Variants in LTN1 observed in about 807,000 individuals in gnomAD.
The protein encoded by LTN1 is E3 ubiquitin-protein ligase listerin.
Under a neutral mutation model 201.2 loss-of-function variants are expected in LTN1, and 88 were observed. The ratio of observed to expected loss-of-function variants is 0.44; its 90% CI spans 0.37 to 0.52. The LOEUF is 0.52. Among genes scored for constraint, LTN1 ranks in the 20% least tolerant of loss-of-function variants. The probability of loss-of-function intolerance (pLI) is 0.00; values close to 1 mark genes in which losing one functional copy is unlikely to be tolerated. For synonymous variants in LTN1, 645 were observed against 713.5 expected (o/e 0.90, Z 1.53); for missense variants, 1,752 against 2,038.7 (o/e 0.86, Z 2.71).
intron 6 of LTN1, among the ~76,000 whole-genome samples, chr21:28,976,729 C>T (rs1350027689): frequency 1.3e-5 from 2 of 151,980 alleles, no homozygotes; most frequent in African/African-American, 4.8e-5. Context: ...TCTAGTTAGA[C>T]GTTTTTGAGA....
intron 1 of LTN1, among the ~76,000 whole-genome samples, chr21:28,990,131 C>A (rs2084733621): frequency 6.6e-6 from 1 of 152,160 alleles, no homozygotes. Context: ...TGCCTTCCTC[C>A]ATTCTCTTCC....
rs182978200 is a variant in LTN1, at chr21:28,970,567, G to A, written c.1160C>T (p.Thr387Met). The change falls in exon 8 of 30, where the codon ACG becomes ATG. Residue 387 changes from threonine to methionine, a missense_variant. Physicochemically the swap from Thr to Met is moderately conservative, Grantham distance 81. Transcript: ENST00000361371. Reference sequence around the variant, plus strand: ...AATTACTTACCCAGCAACTAGAGACGTGAGGAAATTTTTGAAGAAATCCAA... The same window carrying A: ...AATTACTTACCCAGCAACTAGAGACATGAGGAAATTTTTGAAGAAATCCAA... ...PKLDFFKNFL[T>M]SLVAGLSTER... is the part of the protein sequence containing the mutation. 37 of 1,611,600 alleles carry A rather than the reference G, an allele frequency of 2.3e-5. No homozygotes were observed. In the Admixed American group the frequency reaches 2.5e-4, roughly 11 times the overall value.
chr21:28,940,424 A>G (rs1362024168), intron 25 of LTN1, among the ~76,000 whole-genome samples: 2 of 152,200 alleles, frequency 1.3e-5, no homozygotes, highest in Non-Finnish European at 2.9e-5. Context: ...TATTTCAGAT[A>G]TTTTCACCAC....
intron 25 of LTN1, among the ~76,000 whole-genome samples, chr21:28,939,146 C>G (rs918418247): frequency 6.6e-6 from 1 of 152,130 alleles, no homozygotes; most frequent in African/African-American, 2.4e-5. Context: ...AGTATAGCAA[C>G]TATTTCAATA....
Position 28,969,209 on chromosome 21 carries a change from C to T in LTN1, c.1311+257G>A, listed in dbSNP as rs573264779. ...GTACTCCAGCCTGGGCAACAAAGAGCGAAACTTTGTCTCAAAAAAAAAAGG... is the reference window on the plus strand; with the variant it reads ...GTACTCCAGCCTGGGCAACAAAGAGTGAAACTTTGTCTCAAAAAAAAAAGG... On this transcript the variant is annotated intron_variant, in intron 9 of 29. Transcript: ENST00000361371. Among the ~76,000 whole-genome samples the T allele has an allele frequency of 8.8e-5, 13 of 148,542 alleles. No individual in the cohort carries two copies. In the South Asian group the frequency reaches 2.4e-3, roughly 28 times the overall value.
At chr21:28,961,615 C>T (rs2084479757) in intron 11 of LTN1, 1 of 154,102 alleles carries the variant, frequency 6.5e-6, no homozygotes, top group Admixed American at 6.6e-5. Context: ...TGTAGGTAAC[C>T]AGAGCTTATA....
rs1470816265 is a variant in LTN1, at chr21:28,992,855, C to T, written c.-50G>A. 3 of 1,614,004 alleles carry T rather than the reference C, an allele frequency of 1.9e-6. No individual in the cohort carries two copies. Among genetic ancestry groups the T allele is most frequent in the East Asian group, 2.2e-5 (1 of 44,876 alleles). ...AGCACTCAGACCCCGGTTGACACGT[C>T]CGGGACACAACTTCCGGCTTCTGGC... On this transcript the variant is annotated 5_prime_UTR_variant, in exon 1 of 30. Coordinates refer to ENST00000361371, the MANE Select transcript of LTN1 (RefSeq NM_015565.3).
intron 28 of LTN1, 106 bp downstream of exon 28, chr21:28,932,364 T>C (rs943343295): frequency 3.1e-5 from 28 of 908,486 alleles, no homozygotes; most frequent in Non-Finnish European, 4.4e-5. Context: ...AAGTTTAATA[T>C]CTACTTTTAT....
At chr21:28,956,486 A>G (rs2084426566) in intron 16 of LTN1, among the ~76,000 whole-genome samples, 1 of 152,186 alleles carries the variant, frequency 6.6e-6, no homozygotes, top group Non-Finnish European at 1.5e-5. Context: ...TATGTGCCAC[A>G]GGATCTGTTT....
At position 28,957,335 on chromosome 21, in the gene LTN1, C is replaced by T. The variant is rs751867449; in HGVS notation, c.2889G>A (p.Met963Ile). ...EWEKMRQSLPMQWLHRPLLEG... is the reference protein window; with the variant it reads ...EWEKMRQSLPIQWLHRPLLEG... ...TACTCTTCAATTTCCAAAATACCTG[C>T]ATAGGAAGAGACTGCCTCATCTTTT... is the stretch of plus-strand genomic sequence containing the variant. Residue 963 changes from methionine (M) to isoleucine (I), a missense_variant, in exon 15 of 30, where the codon ATG becomes ATA. Physicochemically the swap from Met to Ile is conservative, Grantham distance 10 (BLOSUM62 1). Transcript: ENST00000361371. 2 of 1,586,504 alleles carry T rather than the reference C, an allele frequency of 1.3e-6. No homozygotes were observed. Among genetic ancestry groups the T allele is most frequent in the Non-Finnish European group, 8.5e-7 (1 of 1,171,626 alleles).
intron 11 of LTN1, chr21:28,960,907 G>T: frequency 2.6e-6 from 1 of 383,370 alleles, no homozygotes; most frequent in Non-Finnish European, 4.6e-6. Flanking sequence ...TCCACGCTTT[G>T]CTGTTACCTT....
intron 6 of LTN1, among the ~76,000 whole-genome samples, chr21:28,979,179 G>C (rs886272258): frequency 1.3e-5 from 2 of 152,216 alleles, no homozygotes; most frequent in Non-Finnish European, 2.9e-5. Flanking sequence ...TAGAATATAA[G>C]GTTATGCAGT....
chr21:28,970,768 T>A (rs1382236361), intron 7 of LTN1, 26 bp from the exon 8 acceptor site: 1 of 1,526,968 alleles, frequency 6.5e-7, no homozygotes, highest in Non-Finnish European at 9.0e-7. Flanking sequence ...ATTATAGTAG[T>A]AATTAGAGAT....
intron 4 of LTN1, among the ~76,000 whole-genome samples, chr21:28,982,694 TTTC>T (rs1182580206): frequency 6.6e-6 from 1 of 152,204 alleles, no homozygotes; most frequent in Non-Finnish European, 1.5e-5. Context: ...CTCTCCCCTC[TTTC>T]TGTAAGCCTG....
At chr21:28,932,378 A>T in intron 28 of LTN1, 92 bp downstream of exon 28, 1 of 1,021,254 alleles carries the variant, frequency 9.8e-7, no homozygotes, top group Non-Finnish European at 1.5e-6. Flanking sequence ...CTTTTATCTT[A>T]AGCAGAAAAG....
At chr21:28,977,653 G>A (rs2084626688) in intron 6 of LTN1, among the ~76,000 whole-genome samples, 1 of 152,210 alleles carries the variant, frequency 6.6e-6, no homozygotes, top group African/African-American at 2.4e-5. Context: ...AACCTGGGAG[G>A]TGGAGGTTGC....
chr21:28,982,228 A>C, intron 5 of LTN1, 88 bp downstream of exon 5: 1 of 1,243,248 alleles, frequency 8.0e-7, no homozygotes, highest in East Asian at 2.4e-5. Flanking sequence ...AAAAAAAAAC[A>C]AAAACAAAAA....
Position 28,941,346 on chromosome 21 carries a change from A to G in LTN1, c.4356T>C (p.Val1452=), listed in dbSNP as rs1334579898. ...TCTGTCCAACAGGAATACACCCCAA[A>G]ACATTTTCTAGTAAGTCCTCTTGAA... is the stretch of plus-strand genomic sequence containing the variant. ...LSIQEDLLEN[V]LGCIPVGQIV... The change falls in exon 25 of 30, where the codon GTT becomes GTC. Residue 1452 remains valine (V), a synonymous_variant. Coordinates refer to ENST00000361371, the MANE Select transcript of LTN1 (RefSeq NM_015565.3). 6.2e-7 allele frequency: 1 copy of G among 1,613,652 alleles called. No individual in the cohort carries two copies. Among genetic ancestry groups the G allele is most frequent in the South Asian group, 1.1e-5 (1 of 91,046 alleles).
intron 4 of LTN1, among the ~76,000 whole-genome samples, chr21:28,983,126 C>T (rs1336849786): frequency 2.6e-5 from 4 of 152,138 alleles, no homozygotes; most frequent in Non-Finnish European, 5.9e-5. Context: ...TTTTCATTTG[C>T]CTAACTCCTC....
Sources: allele counts gnomAD v4.1 joint callset (sites outside exome capture counted in the v4.1 genomes callset), GRCh38; gene constraint gnomAD v4.1.1; transcripts MANE v1.5; gene names NCBI Gene and HGNC (gene_info 2026-07-23, HGNC 2026-07-21).